The following SORCS3 variants were observed in gnomAD, a reference collection of about 807,000 sequenced individuals.
The protein encoded by SORCS3 is sortilin related VPS10 domain containing receptor 3.
SORCS3 carries 57 observed loss-of-function variants against 146.3 expected under a neutral mutation model. That is an observed-to-expected ratio of 0.39 (90% confidence interval 0.31 to 0.49). The LOEUF (loss-of-function observed/expected upper bound fraction) is 0.49, where lower values mean the gene tolerates loss of function less well. SORCS3 is among the 20% of genes least tolerant of loss of function. The pLI, the probability that SORCS3 is intolerant of heterozygous loss-of-function variation, is 0.92. For missense variants in SORCS3, 1,341 were observed against 1,575.5 expected, an observed-to-expected ratio of 0.85 and a Z score of 2.52; for synonymous variants, 653 against 618.5, an observed-to-expected ratio of 1.06 and a Z score of -0.83.
chr10:104,889,669 A>G (rs984942980), intron 2 of SORCS3, among the ~76,000 whole-genome samples: 2 of 152,180 alleles, frequency 1.3e-5, no homozygotes, highest in African/African-American at 4.8e-5. Flanking sequence ...TTAGAGGCAT[A>G]CATTTTATTT....
chr10:105,263,095 T>G (rs117707526), intron 26 of SORCS3, among the ~76,000 whole-genome samples: 1 of 152,358 alleles, frequency 6.6e-6, no homozygotes, highest in Non-Finnish European at 1.5e-5. Flanking sequence ...AGTCAATGTC[T>G]TGATCCCACC....
intron 20 of SORCS3, among the ~76,000 whole-genome samples, chr10:105,237,115 A>G (rs757660424): frequency 1.5e-4 from 23 of 152,192 alleles, no homozygotes; most frequent in African/African-American, 3.9e-4. Flanking sequence ...ACAAATACCC[A>G]GGTCCCAAAG....
At chr10:105,139,274 A>C in intron 7 of SORCS3, 123 bp from the exon 8 acceptor site, 1 of 732,226 alleles carries the variant, frequency 1.4e-6, no homozygotes, top group Non-Finnish European at 2.4e-6. Context: ...AAAGCCAGCA[A>C]GGAATATTCT....
intron 1 of SORCS3, among the ~76,000 whole-genome samples, chr10:104,688,956 A>C (rs2133420829): frequency 6.6e-6 from 1 of 152,286 alleles, no homozygotes; most frequent in Middle Eastern, 3.4e-3. Flanking sequence ...CAAGGAAGTG[A>C]GAATGTGCCA....
At chr10:105,137,697 TG>T (rs2119445844) in intron 7 of SORCS3, among the ~76,000 whole-genome samples, 1 of 152,304 alleles carries the variant, frequency 6.6e-6, no homozygotes, top group Non-Finnish European at 1.5e-5. Context: ...AGAAAATTCT[TG>T]ATCCCCAACT....
chr10:105,090,044 T>C (rs2055691348), intron 6 of SORCS3, among the ~76,000 whole-genome samples: 1 of 152,192 alleles, frequency 6.6e-6, no homozygotes, highest in Non-Finnish European at 1.5e-5. Context: ...GAATGAATTG[T>C]CTGGGGATAT....
chr10:104,980,229 C>G (rs1299075935), intron 4 of SORCS3, among the ~76,000 whole-genome samples: 1 of 152,198 alleles, frequency 6.6e-6, no homozygotes, highest in Non-Finnish European at 1.5e-5. Flanking sequence ...CTTAGGTACT[C>G]TTTCTTGTTG....
intron 2 of SORCS3, among the ~76,000 whole-genome samples, chr10:104,899,346 G>A (rs1001483548): frequency 1.3e-5 from 2 of 152,208 alleles, no homozygotes; most frequent in African/African-American, 2.4e-5. Flanking sequence ...GCTGTATGGA[G>A]TTCTAGATGT....
At chr10:104,722,604 G>A (rs2016563802) in intron 1 of SORCS3, among the ~76,000 whole-genome samples, 1 of 152,152 alleles carries the variant, frequency 6.6e-6, no homozygotes, top group Non-Finnish European at 1.5e-5. Flanking sequence ...AATCCAACTG[G>A]TCCTGGACTT....
At chr10:105,129,662 TACACACAC>T (rs71022754) in intron 7 of SORCS3, among the ~76,000 whole-genome samples, 11 of 148,028 alleles carry the variant, frequency 7.4e-5, no homozygotes, top group African/African-American at 2.7e-4. Context: ...CCCACTCAAA[TACACACAC>T]ACACACACAC....
At chr10:104,811,156 C>T (rs1482937114) in intron 1 of SORCS3, among the ~76,000 whole-genome samples, 3 of 152,182 alleles carry the variant, frequency 2.0e-5, no homozygotes, top group Admixed American at 6.5e-5. Flanking sequence ...TGGTACATTT[C>T]GTGTGCCAGG....
chr10:105,228,263 T>C (rs1482996571), intron 20 of SORCS3, among the ~76,000 whole-genome samples: 2 of 151,994 alleles, frequency 1.3e-5, no homozygotes, highest in Non-Finnish European at 2.9e-5. Flanking sequence ...CCTTTTTTGT[T>C]TGTTTGTTCT....
chr10:104,837,035 C>G (rs2018077625), intron 1 of SORCS3, among the ~76,000 whole-genome samples: 1 of 152,164 alleles, frequency 6.6e-6, no homozygotes, highest in African/African-American at 2.4e-5. Flanking sequence ...CTTCTCAAAT[C>G]TTATAGCACA....
intron 2 of SORCS3, among the ~76,000 whole-genome samples, chr10:104,855,200 T>G (rs955299561): frequency 3.3e-5 from 5 of 152,236 alleles, no homozygotes; most frequent in Middle Eastern, 3.2e-3. Context: ...TCCATTCCTC[T>G]GCCAGTACCA....
chr10:104,850,117 C>G (rs1045135206), intron 2 of SORCS3, among the ~76,000 whole-genome samples: 1 of 152,164 alleles, frequency 6.6e-6, no homozygotes, highest in African/African-American at 2.4e-5. Context: ...CATTGAAGAG[C>G]TTTGCTATCT....
chr10:105,214,984 C>G (rs756419533), intron 18 of SORCS3, among the ~76,000 whole-genome samples: 1 of 152,148 alleles, frequency 6.6e-6, no homozygotes. Flanking sequence ...CTTTTAGGAG[C>G]CTCTTTTGCT....
intron 2 of SORCS3, among the ~76,000 whole-genome samples, chr10:104,861,784 C>T (rs1261263689): frequency 6.6e-6 from 1 of 152,134 alleles, no homozygotes; most frequent in Non-Finnish European, 1.5e-5. Context: ...CTGGGTGCTT[C>T]AACAACAGAA....
intron 9 of SORCS3, among the ~76,000 whole-genome samples, chr10:105,149,149 A>C (rs1038985794): frequency 2.0e-5 from 3 of 152,114 alleles, no homozygotes; most frequent in African/African-American, 7.2e-5. Context: ...TCTTTTCTTC[A>C]TGAATCACCC....
chr10:104,862,937 T>C (rs1467804576), intron 2 of SORCS3, among the ~76,000 whole-genome samples: 3 of 152,264 alleles, frequency 2.0e-5, no homozygotes, highest in Non-Finnish European at 4.4e-5. Flanking sequence ...AAATTCATCC[T>C]TGAGATGGGA....
Sources: allele counts gnomAD v4.1 joint callset (sites outside exome capture counted in the v4.1 genomes callset), GRCh38; gene constraint gnomAD v4.1.1; transcripts MANE v1.5; gene names NCBI Gene and HGNC (gene_info 2026-07-23, HGNC 2026-07-21).